Variants in TAX1BP1 observed in about 807,000 individuals in gnomAD.
TAX1BP1 encodes tax1-binding protein 1.
A neutral mutation model predicts 97.7 loss-of-function variants in TAX1BP1; 62 were observed. The observed-to-expected ratio is 0.63, with a 90% CI of 0.52 to 0.78. The LOEUF (loss-of-function observed/expected upper bound fraction) is 0.78. Ranked by LOEUF, TAX1BP1 falls within the 30% of genes least tolerant of loss-of-function variation. TAX1BP1 has a pLI of 0.00. For synonymous variants in TAX1BP1, 340 were observed against 304.2 expected (o/e 1.12, Z -1.23); for missense variants, 867 against 916.1 (o/e 0.95, Z 0.69).
At chr7:27,770,492 C>T (rs973679082) in intron 5 of TAX1BP1, among the ~76,000 whole-genome samples, 3 of 152,062 alleles carry the variant, frequency 2.0e-5, no homozygotes, top group Admixed American at 6.6e-5. Context: ...CTTACACAGA[C>T]TGTGATCTTA....
intron 10 of TAX1BP1, among the ~76,000 whole-genome samples, chr7:27,793,522 T>C (rs1479571747): frequency 6.6e-6 from 1 of 152,192 alleles, no homozygotes; most frequent in Non-Finnish European, 1.5e-5. Flanking sequence ...TTATTGACTC[T>C]TGTGACCATG....
intron 4 of TAX1BP1, among the ~76,000 whole-genome samples, chr7:27,767,307 ATT>A (rs556013447): frequency 6.6e-6 from 1 of 152,016 alleles, no homozygotes; most frequent in Non-Finnish European, 1.5e-5. Flanking sequence ...AGTTGGATAG[ATT>A]TTTTTAACAT....
intron 15 of TAX1BP1, among the ~76,000 whole-genome samples, chr7:27,818,877 C>G (rs1046137428): frequency 6.6e-6 from 1 of 152,094 alleles, no homozygotes; most frequent in Admixed American, 6.6e-5. Context: ...AATCACTTAG[C>G]TGCTGTGGGT....
At chr7:27,808,944 C>G (rs558426380) in intron 13 of TAX1BP1, among the ~76,000 whole-genome samples, 20 of 152,142 alleles carry the variant, frequency 1.3e-4, no homozygotes, top group African/African-American at 4.8e-4. Context: ...TTCTAGAACC[C>G]TTTGATATTT....
chr7:27,792,116 A>T lies in TAX1BP1; in HGVS notation c.1149A>T (p.Val383=). 6.2e-7 allele frequency: 1 copy of T among 1,614,090 alleles called. No individual in the cohort carries two copies. Among genetic ancestry groups the T allele is most frequent in the Non-Finnish European group, 8.5e-7 (1 of 1,180,024 alleles). The change falls in exon 9 of 17, where the codon GTA becomes GTT. Residue 383 remains valine (V), a synonymous_variant. Transcript: ENST00000396319. ...LAKELSDAVN[V]RDRTMADLHT... is the part of the protein sequence containing the mutation. ...AAGAACTCAGTGATGCTGTCAACGT[A>T]CGAGACAGAACGATGGCAGACCTGC...
At chr7:27,741,365 C>G (rs946677796) in intron 1 of TAX1BP1, among the ~76,000 whole-genome samples, 1 of 152,188 alleles carries the variant, frequency 6.6e-6, no homozygotes, top group South Asian at 2.1e-4. Flanking sequence ...CTTTCTCTTT[C>G]GTTCTGTTCC....
intron 13 of TAX1BP1, among the ~76,000 whole-genome samples, chr7:27,801,334 C>T (rs1196618647): frequency 6.7e-6 from 1 of 148,978 alleles, no homozygotes; most frequent in East Asian, 2.0e-4. Context: ...GTTAGAATTA[C>T]TTTAGTTTTC....
chr7:27,767,623 G>A (rs2128311931), intron 4 of TAX1BP1, among the ~76,000 whole-genome samples: 1 of 152,226 alleles, frequency 6.6e-6, no homozygotes, highest in Non-Finnish European at 1.5e-5. Context: ...AACAAACCCA[G>A]ATCTTAAGAA....
chr7:27,821,861 C>G (rs535710547), intron 15 of TAX1BP1, among the ~76,000 whole-genome samples: 1 of 152,170 alleles, frequency 6.6e-6, no homozygotes, highest in Middle Eastern at 3.4e-3. Flanking sequence ...CCCAGGAAAC[C>G]CTCAGTCCAC....
chr7:27,753,844 G>A (rs1179309794), intron 2 of TAX1BP1, among the ~76,000 whole-genome samples: 1 of 151,652 alleles, frequency 6.6e-6, no homozygotes, highest in East Asian at 1.9e-4. Context: ...TTATTTTGGG[G>A]TCTTGGTTGA....
chr7:27,741,153 G>A (rs989949976), intron 1 of TAX1BP1, among the ~76,000 whole-genome samples: 22 of 152,218 alleles, frequency 1.4e-4, no homozygotes, highest in African/African-American at 5.3e-4. Context: ...TTAGGCTTTA[G>A]ATGGGAAAAT....
chr7:27,803,791 G>A (rs985732360), intron 13 of TAX1BP1, among the ~76,000 whole-genome samples: 6 of 152,152 alleles, frequency 3.9e-5, no homozygotes, highest in African/African-American at 1.4e-4. Context: ...GTGATTAAAC[G>A]GAAAGTACCC....
chr7:27,778,387 G>T (rs954432693), intron 5 of TAX1BP1, among the ~76,000 whole-genome samples: 1 of 152,016 alleles, frequency 6.6e-6, no homozygotes, highest in African/African-American at 2.4e-5. Flanking sequence ...TTGAGTAGCT[G>T]CTTGTACTTT....
intron 5 of TAX1BP1, among the ~76,000 whole-genome samples, chr7:27,781,662 T>A (rs1156697108): frequency 6.6e-6 from 1 of 152,142 alleles, no homozygotes; most frequent in East Asian, 1.9e-4. Flanking sequence ...TGCTGTACAC[T>A]ACTGTAGATT....
chr7:27,795,421 A>C (rs1789884200), intron 11 of TAX1BP1, among the ~76,000 whole-genome samples: 1 of 152,196 alleles, frequency 6.6e-6, no homozygotes, highest in Non-Finnish European at 1.5e-5. Context: ...TAGCCTGGGC[A>C]ACATAGTGAG....
chr7:27,816,608 T>C, intron 14 of TAX1BP1, 88 bp downstream of exon 14: 1 of 1,113,140 alleles, frequency 9.0e-7, no homozygotes, highest in Non-Finnish European at 1.3e-6. Context: ...ACTGCTGGTA[T>C]AATCAACCCT....
At chr7:27,743,199 T>C (rs1179134968) in intron 1 of TAX1BP1, among the ~76,000 whole-genome samples, 1 of 152,184 alleles carries the variant, frequency 6.6e-6, no homozygotes, top group African/African-American at 2.4e-5. Context: ...ATTCTGGAAA[T>C]AGGGATGTCT....
At chr7:27,792,532 T>C (rs766254778) in intron 9 of TAX1BP1, among the ~76,000 whole-genome samples, 49 of 152,178 alleles carry the variant, frequency 3.2e-4, no homozygotes, top group Admixed American at 1.4e-3. Flanking sequence ...AACAGTATTA[T>C]GGTTGTTTAA....
chr7:27,746,573 T>G (rs554279784), intron 1 of TAX1BP1, among the ~76,000 whole-genome samples: 2 of 152,196 alleles, frequency 1.3e-5, no homozygotes, highest in Non-Finnish European at 2.9e-5. Flanking sequence ...CTCCAGTGTT[T>G]GTAAATGCTA....
Sources: gnomAD v4.1 joint callset for allele counts (sites outside exome capture counted in the v4.1 genomes callset) on GRCh38, gnomAD v4.1.1 for gene constraint, MANE v1.5 for transcripts, NCBI Gene and HGNC (gene_info 2026-07-23, HGNC 2026-07-21) for gene names.